SLC25A48: variants seen among roughly 807,000 people sequenced by gnomAD.
SLC25A48 encodes the protein solute carrier family 25 member 48.
A neutral mutation model predicts 32.2 loss-of-function variants in SLC25A48; 29 were observed. That is an observed-to-expected ratio of 0.90 (90% CI 0.67 to 1.23). SLC25A48 has a LOEUF of 1.23. Ranked by LOEUF, SLC25A48 falls within the 50% of genes most tolerant of loss-of-function variation. The pLI is 0.00. For missense variants in SLC25A48, 399 were observed against 422.7 expected, an observed-to-expected ratio of 0.94 and a Z score of 0.49; for synonymous variants, 164 against 172.3, an observed-to-expected ratio of 0.95 and a Z score of 0.38.
chr5:135,729,756 G>A (rs1755181017), intron 3 of SLC25A48, among the ~76,000 whole-genome samples: 1 of 152,106 alleles, frequency 6.6e-6, no homozygotes, highest in Non-Finnish European at 1.5e-5. Flanking sequence ...GGAACCACAG[G>A]CTATATGAGT....
intron 5 of SLC25A48, among the ~76,000 whole-genome samples, chr5:135,873,157 G>A (rs1233774760): frequency 1.3e-5 from 2 of 152,206 alleles, no homozygotes; most frequent in Non-Finnish European, 2.9e-5. Flanking sequence ...AGGACCAAGG[G>A]CAGGAGGCTG....
At chr5:135,836,336 T>C (rs185430761) in intron 1 of SLC25A48, among the ~76,000 whole-genome samples, 2 of 146,120 alleles carry the variant, frequency 1.4e-5, no homozygotes, top group South Asian at 2.3e-4. Flanking sequence ...GCAATTACTT[T>C]TGCACCAAAC....
intron 2 of SLC25A48, among the ~76,000 whole-genome samples, chr5:135,842,854 C>A (rs911266908): frequency 5.6e-4 from 85 of 152,338 alleles, no homozygotes; most frequent in African/African-American, 1.9e-3. Flanking sequence ...AAGGAGCAGT[C>A]TTTCACCCCA....
intron 3 of SLC25A48, among the ~76,000 whole-genome samples, chr5:135,770,283 AC>A (rs35287998): frequency 0.31 from 46,538 of 150,836 alleles, 7,345 homozygotes; most frequent in East Asian, 0.46. Context: ...AGGGGGGTAA[AC>A]CCCCTCTATG....
intron 3 of SLC25A48, among the ~76,000 whole-genome samples, chr5:135,638,735 T>G (rs1752765563): frequency 6.6e-6 from 1 of 152,242 alleles, no homozygotes; most frequent in African/African-American, 2.4e-5. Flanking sequence ...AGATACCAAA[T>G]ATAACGTCTT....
chr5:135,660,352 T>A (rs959187725), intron 3 of SLC25A48, among the ~76,000 whole-genome samples: 1 of 152,158 alleles, frequency 6.6e-6, no homozygotes, highest in Non-Finnish European at 1.5e-5. Context: ...CTGTCCCTAG[T>A]CCCTGACAAC....
chr5:135,697,909 T>C (rs4976320), intron 3 of SLC25A48, among the ~76,000 whole-genome samples: 137,172 of 152,232 alleles, frequency 0.9, 62,076 homozygotes, highest in African/African-American at 0.98. Flanking sequence ...TCTTCCTGGC[T>C]TCATGAGAAA....
At chr5:135,636,021 G>T (rs942077752) in intron 3 of SLC25A48, among the ~76,000 whole-genome samples, 1 of 152,088 alleles carries the variant, frequency 6.6e-6, no homozygotes. Context: ...CCCATTTCTG[G>T]TTCCTATTTC....
chr5:135,635,802 G>A (rs757540578), intron 3 of SLC25A48, among the ~76,000 whole-genome samples: 4 of 152,166 alleles, frequency 2.6e-5, no homozygotes, highest in Admixed American at 2.0e-4. Flanking sequence ...GCATACCACT[G>A]CTTTAATGGG....
chr5:135,645,015 C>CTGT (rs1752926898), intron 3 of SLC25A48, among the ~76,000 whole-genome samples: 1 of 151,956 alleles, frequency 6.6e-6, no homozygotes, highest in Non-Finnish European at 1.5e-5. Context: ...GTCTCCTGCT[C>CTGT]CATCTGTCCC....
intron 4 of SLC25A48, among the ~76,000 whole-genome samples, chr5:135,856,902 A>G (rs1341823594): frequency 1.3e-5 from 2 of 152,182 alleles, no homozygotes; most frequent in Non-Finnish European, 2.9e-5. Flanking sequence ...GCCTTAGGGG[A>G]AAGGAAATCT....
chr5:135,642,757 A>G (rs2126917963), intron 3 of SLC25A48, among the ~76,000 whole-genome samples: 1 of 152,354 alleles, frequency 6.6e-6, no homozygotes, highest in South Asian at 2.1e-4. Context: ...ACGATCTCAT[A>G]GAAACTCATA....
At chr5:135,702,499 G>A (rs1754416832) in intron 3 of SLC25A48, among the ~76,000 whole-genome samples, 2 of 152,224 alleles carry the variant, frequency 1.3e-5, no homozygotes, top group African/African-American at 4.8e-5. Flanking sequence ...GCGTGAACAC[G>A]GCCCTGCCAA....
intron 4 of SLC25A48, among the ~76,000 whole-genome samples, chr5:135,814,172 C>T (rs1281752669): frequency 1.3e-5 from 2 of 152,196 alleles, no homozygotes; most frequent in African/African-American, 4.8e-5. Flanking sequence ...CCATGAGCAC[C>T]ATTGCCATGG....
At chr5:135,596,806 C>T (rs2126880420) in intron 1 of SLC25A48, among the ~76,000 whole-genome samples, 1 of 152,320 alleles carries the variant, frequency 6.6e-6, no homozygotes, top group Admixed American at 6.5e-5. Context: ...ACTGATTGCA[C>T]TATCATTTTG....
intron 6 of SLC25A48, among the ~76,000 whole-genome samples, chr5:135,877,913 C>A (rs1353933850): frequency 1.3e-5 from 2 of 152,172 alleles, no homozygotes; most frequent in Non-Finnish European, 2.9e-5. Flanking sequence ...AGGAAAAAGG[C>A]TGGCCCCTTA....
intron 3 of SLC25A48, among the ~76,000 whole-genome samples, chr5:135,774,667 G>T (rs1004046432): frequency 6.6e-6 from 1 of 151,470 alleles, no homozygotes; most frequent in Non-Finnish European, 1.5e-5. Context: ...GTGTATTTTG[G>T]GATATTGATC....
chr5:135,855,350 A>T (rs1760224982), intron 4 of SLC25A48, among the ~76,000 whole-genome samples: 2 of 152,094 alleles, frequency 1.3e-5, no homozygotes, highest in Non-Finnish European at 2.9e-5. Flanking sequence ...TTACTATTTA[A>T]CCTGATGCAG....
intron 3 of SLC25A48, among the ~76,000 whole-genome samples, chr5:135,799,383 C>T (rs930340530): frequency 3.3e-5 from 5 of 151,424 alleles, no homozygotes; most frequent in African/African-American, 1.2e-4. Context: ...AGAAAGTGTA[C>T]ACAGTGCCCC....
Sources: allele counts gnomAD v4.1 joint callset (sites outside exome capture counted in the v4.1 genomes callset), GRCh38; gene constraint gnomAD v4.1.1; transcripts MANE v1.5; gene names NCBI Gene and HGNC (gene_info 2026-07-23, HGNC 2026-07-21).